DISP1: variants seen among roughly 807,000 people sequenced by gnomAD.
DISP1 encodes the protein protein dispatched homolog 1.
DISP1 carries 30 observed loss-of-function variants against 37.3 expected under a neutral mutation model. The ratio of observed to expected loss-of-function variants is 0.80; its 90% CI spans 0.60 to 1.09. The LOEUF (loss-of-function observed/expected upper bound fraction) is 1.09, where lower values mean the gene tolerates loss of function less well. DISP1 is among the 50% of genes least tolerant of loss of function. The pLI is 0.00. For missense variants in DISP1, 1,598 were observed against 1,879.5 expected, an observed-to-expected ratio of 0.85 and a Z score of 2.77; for synonymous variants, 634 against 690.2, an observed-to-expected ratio of 0.92 and a Z score of 1.28.
rs1671082350 is a variant in DISP1, at chr1:222,893,857, A to C, written c.-158-34573A>C. 6.6e-6 allele frequency among the ~76,000 whole-genome samples: 1 copy of C among 152,180 alleles called. No homozygotes were observed. Among genetic ancestry groups the C allele is most frequent in the South Asian group, 2.1e-4 (1 of 4,830 alleles). Reference sequence around the variant, plus strand: ...TACAGCTCTTTCAGCCCTGCCATTCAGCAGGTCCTAAGTTCTTGTCCCGTG... The same window carrying C: ...TACAGCTCTTTCAGCCCTGCCATTCCGCAGGTCCTAAGTTCTTGTCCCGTG... On this transcript the variant is annotated intron_variant, in intron 1 of 8. Transcript: ENST00000675850. This position sits in a 1 kb window ranked among gnomAD's most constrained non-coding sequence, Gnocchi z 4.3.
chr1:222,987,195 G>A (rs374661622), intron 4 of DISP1, among the ~76,000 whole-genome samples: 5 of 151,854 alleles, frequency 3.3e-5, no homozygotes, highest in African/African-American at 9.7e-5. Flanking sequence ...TTCATATTGC[G>A]CAGGCAACTC....
At chr1:222,831,187 T>C (rs1350815067) in intron 1 of DISP1, 2 of 152,226 alleles carry the variant, frequency 1.3e-5, no homozygotes, top group East Asian at 3.8e-4. Context: ...ATGGTTCTTT[T>C]AAAAACTGGG....
At chr1:222,866,762 T>C (rs1669216470) in intron 1 of DISP1, among the ~76,000 whole-genome samples, 1 of 152,224 alleles carries the variant, frequency 6.6e-6, no homozygotes, top group African/African-American at 2.4e-5. Flanking sequence ...GGATATTAAA[T>C]AACTCATTGC....
chr1:222,949,976 C>G (rs952292028), intron 3 of DISP1, among the ~76,000 whole-genome samples: 1 of 152,214 alleles, frequency 6.6e-6, no homozygotes. Flanking sequence ...CACCATGAGG[C>G]AAGACTTATA....
At chr1:222,994,772 A>G in intron 7 of DISP1, 113 bp from the exon 8 acceptor site, 2 of 762,290 alleles carry the variant, frequency 2.6e-6, no homozygotes, top group Admixed American at 2.2e-5. Context: ...TCCTGCTGCT[A>G]ATGAATCATC....
At chr1:222,940,321 C>T (rs545886460) in intron 2 of DISP1, among the ~76,000 whole-genome samples, 5 of 152,046 alleles carry the variant, frequency 3.3e-5, no homozygotes, top group South Asian at 2.1e-4. Flanking sequence ...GAAAGTTGGC[C>T]GGGGACATGT....
At position 222,853,568 on chromosome 1, in the gene DISP1, C is replaced by T. The variant is rs576796435; in HGVS notation, c.-159+38490C>T. Among the ~76,000 whole-genome samples the T allele has an allele frequency of 2.3e-3, 350 of 152,194 alleles. 1 individual carries two copies. The highest frequency in any genetic ancestry group is 8.2e-3 in the African/African-American group (341 of 41,534). On this transcript the variant is annotated intron_variant, in intron 1 of 8. Transcript: ENST00000675850. ...GAACACTATTTGGCCGTAAAAAAACCATGAAATCCTGTCATTCACAGCAAC... is the reference window on the plus strand; with the variant it reads ...GAACACTATTTGGCCGTAAAAAAACTATGAAATCCTGTCATTCACAGCAAC...
In DISP1 at chr1:222,870,337, T is replaced by C. The variant is rs1669468094; in HGVS notation, c.-159+55259T>C. Among the ~76,000 whole-genome samples the C allele has an allele frequency of 3.9e-5, 6 of 152,364 alleles. No individual in the cohort carries two copies. In the South Asian group the frequency reaches 1.2e-3, roughly 32 times the overall value. On this transcript the variant is annotated intron_variant, in intron 1 of 8. Transcript: ENST00000675850. ...GGATGGCTGGGTCAAATGGTATTTC[T>C]AGTTCTAGATCCCTGAGGAATCTGC...
intron 1 of DISP1, among the ~76,000 whole-genome samples, chr1:222,925,526 A>G (rs1673030613): frequency 6.6e-6 from 1 of 152,160 alleles, no homozygotes; most frequent in South Asian, 2.1e-4. Context: ...AAATCAGCAT[A>G]CCCTAAGATT....
chr1:222,869,088 A>T (rs1433503200), intron 1 of DISP1, among the ~76,000 whole-genome samples: 1 of 152,164 alleles, frequency 6.6e-6, no homozygotes, highest in Non-Finnish European at 1.5e-5. Flanking sequence ...TTTATTTAAA[A>T]GAGGAAAAAA....
At chr1:222,896,911 A>T (rs1255696363) in intron 1 of DISP1, among the ~76,000 whole-genome samples, 1 of 152,232 alleles carries the variant, frequency 6.6e-6, no homozygotes. Context: ...AGTATCAGAG[A>T]GAATGAAAAA....
At chr1:222,964,166 G>T (rs1272140519) in intron 3 of DISP1, among the ~76,000 whole-genome samples, 1 of 151,998 alleles carries the variant, frequency 6.6e-6, no homozygotes, top group Non-Finnish European at 1.5e-5. Flanking sequence ...GGGCATGGTG[G>T]TGGGCACCTG....
chr1:222,977,695 C>G (rs1409523055), intron 3 of DISP1, among the ~76,000 whole-genome samples: 4 of 151,616 alleles, frequency 2.6e-5, no homozygotes, highest in African/African-American at 4.8e-5. Context: ...CTCCCCCGAC[C>G]CCACAACAGG....
chr1:222,924,814 A>G (rs1672991899), intron 1 of DISP1, among the ~76,000 whole-genome samples: 2 of 152,126 alleles, frequency 1.3e-5, no homozygotes, highest in Non-Finnish European at 2.9e-5. Context: ...CCGGAATTGC[A>G]TTTTTGACTA....
rs563683276 is a variant in DISP1 at position 222,886,436 on chromosome 1, C to T, written c.-158-41994C>T. Among the ~76,000 whole-genome samples, 4 of 152,286 alleles carry T rather than the reference C, an allele frequency of 2.6e-5. No individual in the cohort carries two copies. The East Asian group carries it at 7.7e-4, about 29-fold the overall frequency. The stretch of plus-strand genomic sequence containing the variant: ...TGCTTAAAAATCACATTGCAAAAGC[C>T]AGCCAAACTTATTTTCAGATAAAGC... On this transcript the variant is annotated intron_variant, in intron 1 of 8. Transcript: ENST00000675850.
chr1:222,981,294 T>C (rs1677816145), intron 3 of DISP1, among the ~76,000 whole-genome samples: 1 of 96,552 alleles, frequency 1.0e-5, no homozygotes, highest in African/African-American at 3.4e-5. Flanking sequence ...GCTCCACTAT[T>C]AAGATGCTGA....
At chr1:222,877,324 A>G (rs1311138044) in intron 1 of DISP1, among the ~76,000 whole-genome samples, 3 of 152,156 alleles carry the variant, frequency 2.0e-5, no homozygotes, top group Admixed American at 6.5e-5. Flanking sequence ...GCGGAAGGCA[A>G]AGAGGAGCAA....
intron 1 of DISP1, among the ~76,000 whole-genome samples, chr1:222,875,593 C>G (rs142289070): frequency 0.024 from 3,305 of 139,010 alleles, 104 homozygotes; most frequent in African/African-American, 0.078. Flanking sequence ...CTGAGGTGGG[C>G]AGATCATGAG....
rs537518024 is a variant in DISP1, at chr1:222,931,098, T to A, written c.-18+2528T>A. Among the ~76,000 whole-genome samples the A allele has an allele frequency of 2.0e-5, 3 of 152,122 alleles. No individual in the cohort carries two copies. The East Asian group carries it at 5.8e-4, about 29-fold the overall frequency. ...AGATACTAAACATTTGTGGGAAAAGTTTAGATAATTCTAAGTGTGGTATTA... is the reference window on the plus strand; with the variant it reads ...AGATACTAAACATTTGTGGGAAAAGATTAGATAATTCTAAGTGTGGTATTA... On this transcript the variant is annotated intron_variant, in intron 2 of 8. Transcript: ENST00000675850.
Sources: allele counts gnomAD v4.1 joint callset (sites outside exome capture counted in the v4.1 genomes callset), GRCh38; gene constraint gnomAD v4.1.1; non-coding constraint Gnocchi (gnomAD v3.1); transcripts MANE v1.5; gene names NCBI Gene and HGNC (gene_info 2026-07-23, HGNC 2026-07-21).